Variants in ENTPD6 observed in about 807,000 individuals in gnomAD.
ENTPD6 encodes the protein CD39 antigen-like 2.
In ENTPD6, 46 loss-of-function variants were observed where a neutral mutation model predicts 61.5. The ratio of observed to expected loss-of-function variants is 0.75; its 90% CI spans 0.59 to 0.96. ENTPD6 has a LOEUF of 0.96. Ranked by LOEUF, ENTPD6 falls within the 40% of genes least tolerant of loss-of-function variation. The pLI is 0.00. For missense variants in ENTPD6, 612 were observed against 629.0 expected, an observed-to-expected ratio of 0.97 and a Z score of 0.29; for synonymous variants, 252 against 255.5, an observed-to-expected ratio of 0.99 and a Z score of 0.13.
chr20:25,209,006 T>C (rs544369146), intron 3 of ENTPD6, among the ~76,000 whole-genome samples: 90 of 151,582 alleles, frequency 5.9e-4, no homozygotes, highest in African/African-American at 2.1e-3. Context: ...AACCTCCGCC[T>C]CCTGGGTTCA....
chr20:25,200,277 T>G (rs2122475157), intron 1 of ENTPD6, among the ~76,000 whole-genome samples: 1 of 152,390 alleles, frequency 6.6e-6, no homozygotes, highest in Admixed American at 6.5e-5. Flanking sequence ...AGATTGCTAT[T>G]TTTGTGGTTG....
At chr20:25,198,394 T>G (rs2090711759) in intron 1 of ENTPD6, among the ~76,000 whole-genome samples, 1 of 151,998 alleles carries the variant, frequency 6.6e-6, no homozygotes, top group Non-Finnish European at 1.5e-5. Flanking sequence ...GAGAATTGCT[T>G]AACCTGGGAG....
chr20:25,218,363 G>C (rs551332140), intron 9 of ENTPD6, among the ~76,000 whole-genome samples, 187 bp from the exon 10 acceptor site: 14 of 152,302 alleles, frequency 9.2e-5, no homozygotes, highest in Admixed American at 2.6e-4. Context: ...ATAGGCCCTC[G>C]TGTGTTGAAT....
chr20:25,209,982 C>A, intron 4 of ENTPD6, 57 bp downstream of exon 4: 1 of 1,460,124 alleles, frequency 6.8e-7, no homozygotes, highest in Admixed American at 1.7e-5. Context: ...CAAGCCAGTT[C>A]TTTTCCTTTG....
rs192740986 is a variant in ENTPD6, at chr20:25,200,096, G to A, written c.-16+4229G>A. ...ACCATCTGACTTTCCCACCAGCAGC[G>A]CACAAGGGTTCCAGTTTCTCCACAT... is the stretch of plus-strand genomic sequence containing the variant. On this transcript the variant is annotated intron_variant, in intron 1 of 14. Coordinates refer to ENST00000376652, the MANE Select transcript of ENTPD6 (RefSeq NM_001247.5). Among the ~76,000 whole-genome samples, 14 of 152,304 alleles carry A rather than the reference G, an allele frequency of 9.2e-5. No individual in the cohort carries two copies. In the South Asian group the frequency reaches 1.0e-3, roughly 11 times the overall value.
chr20:25,223,034 G>A, intron 12 of ENTPD6, 56 bp downstream of exon 12: 6 of 1,447,128 alleles, frequency 4.1e-6, no homozygotes, highest in Non-Finnish European at 4.7e-6. Context: ...GGGCGGGGGT[G>A]GAGGGCGTGT....
At chr20:25,225,397 T>A in intron 14 of ENTPD6, 80 bp downstream of exon 14, 1 of 1,582,984 alleles carries the variant, frequency 6.3e-7, no homozygotes, top group Non-Finnish European at 8.6e-7. Flanking sequence ...GCTGGGGTCA[T>A]GTCCCCCAGC....
At chr20:25,203,473 T>A (rs1192900772) in intron 1 of ENTPD6, among the ~76,000 whole-genome samples, 1 of 152,254 alleles carries the variant, frequency 6.6e-6, no homozygotes, top group Non-Finnish European at 1.5e-5. Context: ...TTTTTGTTCC[T>A]CTGACTTGAT....
chr20:25,205,497 A>C (rs1424116221), intron 1 of ENTPD6, among the ~76,000 whole-genome samples: 2 of 152,210 alleles, frequency 1.3e-5, no homozygotes. Flanking sequence ...GAGTGCGATG[A>C]AGCCACAGGG....
chr20:25,206,257 G>A (rs2091488240), intron 1 of ENTPD6, among the ~76,000 whole-genome samples: 1 of 152,200 alleles, frequency 6.6e-6, no homozygotes, highest in Non-Finnish European at 1.5e-5. Flanking sequence ...CACTCACCAG[G>A]ACCGACTGAG....
chr20:25,214,784 C>T (rs1348592728), intron 5 of ENTPD6, 83 bp from the exon 6 acceptor site: 2 of 892,228 alleles, frequency 2.2e-6, no homozygotes, highest in Admixed American at 3.7e-5. Flanking sequence ...CACTGCTTCA[C>T]TTGACTAGCT....
chr20:25,225,598 T>C lies in ENTPD6; in HGVS notation c.*1T>C, dbSNP rs1189300100. 1.2e-6 allele frequency: 2 copies of C among 1,612,818 alleles called. No homozygotes were observed. The highest frequency in any genetic ancestry group is 2.7e-5 in the African/African-American group (2 of 74,910). On this transcript the variant is annotated 3_prime_UTR_variant, in exon 15 of 15. Transcript: ENST00000376652. ...CAGACAGAAGAGTCCAGCCTCATAGTGGCCGAGCCATCCCTGTCCCCGTCA... is the reference window on the plus strand; with the variant it reads ...CAGACAGAAGAGTCCAGCCTCATAGCGGCCGAGCCATCCCTGTCCCCGTCA...
Position 25,225,127 on chromosome 20 carries a change from G to A in ENTPD6, c.1244-78G>A, listed in dbSNP as rs766707164. ...GAGCCAGCGGGTGCCTGTAGTGGGT[G>A]GAATTGGGGTCTGCACTTGCCCCTC... On this transcript the variant is annotated intron_variant, in intron 13 of 14. Transcript: ENST00000376652. The A allele has an allele frequency of 3.7e-5, 57 of 1,533,846 alleles. 1 individual carries two copies. The South Asian group carries it at 6.5e-4, about 18-fold the overall frequency.
chr20:25,214,245 G>A (rs983902888), intron 5 of ENTPD6, among the ~76,000 whole-genome samples: 8 of 152,230 alleles, frequency 5.3e-5, no homozygotes, highest in Non-Finnish European at 5.9e-5. Context: ...GGGCACGCCT[G>A]TCAGGGTCCC....
At chr20:25,204,216 G>A (rs771569050) in intron 1 of ENTPD6, among the ~76,000 whole-genome samples, 4 of 152,192 alleles carry the variant, frequency 2.6e-5, no homozygotes, top group African/African-American at 9.7e-5. Flanking sequence ...AGGACTTTGA[G>A]ATCAAGGAAC....
Position 25,221,219 on chromosome 20 carries a change from A to G in ENTPD6, c.944-13A>G. Reference sequence around the variant, plus strand: ...TACCTTCCTTTCTCTTTCCTTTTTAATCTCTGTTTCAGCTAAGGATGGAAA... The same window carrying G: ...TACCTTCCTTTCTCTTTCCTTTTTAGTCTCTGTTTCAGCTAAGGATGGAAA... On this transcript the variant is annotated splice_polypyrimidine_tract_variant and intron_variant, in intron 10 of 14. Coordinates refer to ENST00000376652, the MANE Select transcript of ENTPD6 (RefSeq NM_001247.5). 2.5e-6 allele frequency: 4 copies of G among 1,603,728 alleles called. No individual in the cohort carries two copies. The highest frequency in any genetic ancestry group is 3.4e-6 in the Non-Finnish European group (4 of 1,171,808).
At position 25,221,015 on chromosome 20, in the gene ENTPD6, G is replaced by A. The variant is rs560245697; in HGVS notation, c.944-217G>A. On this transcript the variant is annotated intron_variant, in intron 10 of 14. Coordinates refer to ENST00000376652, the MANE Select transcript of ENTPD6 (RefSeq NM_001247.5). ...AGTGCCTGGCACCCGGCGTGCCCAG[G>A]GCCGTGAGCTGGGCATGGTCCTGGT... is the stretch of plus-strand genomic sequence containing the variant. Among the ~76,000 whole-genome samples, 7 of 152,352 alleles carry A rather than the reference G, an allele frequency of 4.6e-5. No individual in the cohort carries two copies. In the South Asian group the frequency reaches 1.4e-3, roughly 32 times the overall value.
Position 25,213,422 on chromosome 20 carries a change from C to T in ENTPD6, c.597+16C>T. On this transcript the variant is annotated intron_variant, in intron 5 of 14. Transcript: ENST00000376652. ...ACTGCAGAAGGTGAGCCTGGCCATT[C>T]CCCAGTGCCATTAGCCAGCCCTCAG... 2 of 1,590,890 alleles carry T rather than the reference C, an allele frequency of 1.3e-6. No individual in the cohort carries two copies. The highest frequency in any genetic ancestry group is 8.6e-7 in the Non-Finnish European group (1 of 1,168,074).
intron 1 of ENTPD6, among the ~76,000 whole-genome samples, chr20:25,202,705 A>T: frequency 6.6e-6 from 1 of 152,240 alleles, no homozygotes; most frequent in East Asian, 1.9e-4. Flanking sequence ...GATGTCACAG[A>T]TTACATCTAT....
Sources: gnomAD v4.1 joint callset for allele counts (sites outside exome capture counted in the v4.1 genomes callset) on GRCh38, gnomAD v4.1.1 for gene constraint, MANE v1.5 for transcripts, NCBI Gene and HGNC (gene_info 2026-07-23, HGNC 2026-07-21) for gene names.